The following ACTR10 variants were observed in gnomAD, a reference collection of about 807,000 sequenced individuals.
The protein encoded by ACTR10 is actin related protein 10, also known as actin-related protein 10.
Under a neutral mutation model 56.2 loss-of-function variants are expected in ACTR10, and 43 were observed. The ratio of observed to expected loss-of-function variants is 0.77; its 90% CI spans 0.60 to 0.99. The LOEUF is 0.99. Ranked by LOEUF, ACTR10 falls within the 50% of genes least tolerant of loss-of-function variation. The pLI, the probability that ACTR10 is intolerant of heterozygous loss-of-function variation, is 0.00. For synonymous variants in ACTR10, 170 were observed against 176.3 expected (o/e 0.96, Z 0.28); for missense variants, 466 against 507.8 (o/e 0.92, Z 0.79).
intron 6 of ACTR10, among the ~76,000 whole-genome samples, chr14:58,214,128 G>A (rs578187630): frequency 6.6e-6 from 1 of 151,870 alleles, no homozygotes; most frequent in African/African-American, 2.4e-5. Flanking sequence ...CTATTTTTTT[G>A]TACCCATTAA....
chr14:58,234,214 A>C (rs1295873571), intron 12 of ACTR10, among the ~76,000 whole-genome samples, 156 bp from the exon 13 acceptor site: 2 of 152,236 alleles, frequency 1.3e-5, no homozygotes, highest in African/African-American at 2.4e-5. Context: ...TGTAAAATAA[A>C]GAATGGCTTA....
At chr14:58,228,812 G>A (rs1594814745) in intron 10 of ACTR10, among the ~76,000 whole-genome samples, 2 of 147,650 alleles carry the variant, frequency 1.4e-5, no homozygotes, top group Non-Finnish European at 1.5e-5. Context: ...CTGAAATGCT[G>A]GGATTATAGG....
Position 58,209,025 on chromosome 14 carries a change from G to T in ACTR10, c.260G>T (p.Arg87Leu). Residue 87 changes from arginine (R) to leucine (L), a missense_variant, in exon 4 of 13, where the codon CGC (arginine) becomes CTC (leucine). By Grantham distance (102) the Arg-to-Leu change is moderately radical. Coordinates refer to ENST00000254286, the MANE Select transcript of ACTR10 (RefSeq NM_018477.3). The stretch of plus-strand genomic sequence containing the variant: ...CATCTATTGGTGAATCCCAGAGACC[G>T]CCGAGTTGTGATTATCGAATCGGTA... ...FRHLLVNPRD[R>L]RVVIIESVLC... 1 of 1,611,948 alleles carries T rather than the reference G, an allele frequency of 6.2e-7. No homozygotes were observed. Among genetic ancestry groups the T allele is most frequent in the Non-Finnish European group, 8.5e-7 (1 of 1,178,912 alleles).
At chr14:58,221,299 A>AT (rs1566627909) in intron 8 of ACTR10, among the ~76,000 whole-genome samples, 11 of 143,630 alleles carry the variant, frequency 7.7e-5, no homozygotes, top group African/African-American at 2.8e-4. Context: ...AAAAAAAAAA[A>AT]AAAATATATG....
chr14:58,215,024 T>G (rs1057404003), intron 6 of ACTR10, among the ~76,000 whole-genome samples, 181 bp from the exon 7 acceptor site: 2 of 151,738 alleles, frequency 1.3e-5, no homozygotes, highest in African/African-American at 2.4e-5. Flanking sequence ...GAGAATCACA[T>G]GAACCTAGGA....
In ACTR10 at chr14:58,232,057, TA is replaced by T; in HGVS notation, c.871-7del. ...GAATAAATCCTTCTTTTTTTCTTTT[TA>T]ATAACAGTGTCCGATAGACACCAGG... On this transcript the variant is annotated splice_polypyrimidine_tract_variant and splice_region_variant and intron_variant, in intron 11 of 12. Transcript: ENST00000254286. 6.3e-7 allele frequency: 1 copy of T among 1,598,010 alleles called. No homozygotes were observed. Among genetic ancestry groups the T allele is most frequent in the Non-Finnish European group, 8.5e-7 (1 of 1,171,938 alleles).
At chr14:58,228,477 C>G (rs1247342125) in intron 10 of ACTR10, among the ~76,000 whole-genome samples, 1 of 151,950 alleles carries the variant, frequency 6.6e-6, no homozygotes, top group Non-Finnish European at 1.5e-5. Context: ...AAAAAATTAG[C>G]TGGGCGTGGT....
At chr14:58,228,738 T>A (rs1889462820) in intron 10 of ACTR10, among the ~76,000 whole-genome samples, 2 of 128,984 alleles carry the variant, frequency 1.6e-5, no homozygotes, top group Admixed American at 9.0e-5. Flanking sequence ...GAGGTCTCAC[T>A]GTGCTGCTCA....
At chr14:58,228,426 C>G (rs571474314) in intron 10 of ACTR10, among the ~76,000 whole-genome samples, 2 of 152,074 alleles carry the variant, frequency 1.3e-5, no homozygotes, top group African/African-American at 4.8e-5. Context: ...CGAGACCAGC[C>G]TGGCCAACAT....
intron 10 of ACTR10, among the ~76,000 whole-genome samples, chr14:58,225,305 A>G (rs1039997208): frequency 6.6e-6 from 1 of 152,216 alleles, no homozygotes; most frequent in Non-Finnish European, 1.5e-5. Context: ...AGTTGTTGTT[A>G]AGACTTACAT....
At position 58,200,150 on chromosome 14, in the gene ACTR10, C is replaced by G; in HGVS notation, c.-68C>G. 1 of 1,224,048 alleles carries G rather than the reference C, an allele frequency of 8.2e-7. No individual in the cohort carries two copies. Among genetic ancestry groups the G allele is most frequent in the Non-Finnish European group, 1.0e-6 (1 of 954,028 alleles). The allele number at this position is 1,224,048 out of a possible 1,614,324, so 75.8% of individuals were successfully genotyped here. On this transcript the variant is annotated 5_prime_UTR_variant, in exon 1 of 13. Coordinates refer to ENST00000254286, the MANE Select transcript of ACTR10 (RefSeq NM_018477.3). ...CCCGAGCGCCGGAGCCCCGGCCCCG[C>G]CCCGCGAGCGCCGAGACTTGTTGGC...
At chr14:58,205,733 T>G (rs1361071074) in intron 2 of ACTR10, among the ~76,000 whole-genome samples, 1 of 152,054 alleles carries the variant, frequency 6.6e-6, no homozygotes, top group Non-Finnish European at 1.5e-5. Flanking sequence ...TTCAAAAATG[T>G]GATGGAAGCC....
rs1888670373 is a variant in ACTR10, at chr14:58,200,201, C to T, written c.-17C>T. 2 of 1,512,098 alleles carry T rather than the reference C, an allele frequency of 1.3e-6. No individual in the cohort carries two copies. Among genetic ancestry groups the T allele is most frequent in the African/African-American group, 1.4e-5 (1 of 69,912 alleles). The allele number at this position is 1,512,098 out of a possible 1,614,324, so 93.7% of individuals were successfully genotyped here. On this transcript the variant is annotated 5_prime_UTR_variant, in exon 1 of 13. Transcript: ENST00000254286. ...CGCGGAGACTGCGACCCTCTTCTCT[C>T]AGTCTGCCTTACTACCATGCCGCTC... is the stretch of plus-strand genomic sequence containing the variant.
At chr14:58,213,871 T>A (rs565112173) in intron 6 of ACTR10, among the ~76,000 whole-genome samples, 173 bp downstream of exon 6, 12 of 152,348 alleles carry the variant, frequency 7.9e-5, no homozygotes, top group African/African-American at 2.4e-4. Flanking sequence ...ACCAGTTTTT[T>A]AAATTTTTAA....
chr14:58,209,608 GT>G (rs1888947785), intron 4 of ACTR10, among the ~76,000 whole-genome samples: 1 of 152,082 alleles, frequency 6.6e-6, no homozygotes, highest in African/African-American at 2.4e-5. Flanking sequence ...CTTAGAGTAA[GT>G]TGGTAATGCC....
At position 58,219,687 on chromosome 14, in the gene ACTR10, GT is replaced by G; in HGVS notation, c.599-3del. 6.8e-7 allele frequency: 1 copy of G among 1,478,862 alleles called. No homozygotes were observed. The highest frequency in any genetic ancestry group is 9.0e-7 in the Non-Finnish European group (1 of 1,106,082). The allele number at this position is 1,478,862 out of a possible 1,614,324, so 91.6% of individuals were successfully genotyped here. ...TTTTATAATTCTAAATGAAATATTTGTTTTAGGTTCAGTTCCGGAAGGTGTC... is the reference window on the plus strand; with the variant it reads ...TTTTATAATTCTAAATGAAATATTTGTTTAGGTTCAGTTCCGGAAGGTGTC... On this transcript the variant is annotated splice_region_variant and splice_polypyrimidine_tract_variant and intron_variant, in intron 7 of 12. Coordinates refer to ENST00000254286, the MANE Select transcript of ACTR10 (RefSeq NM_018477.3).
chr14:58,232,772 G>T (rs1889576502), intron 12 of ACTR10, among the ~76,000 whole-genome samples: 1 of 151,668 alleles, frequency 6.6e-6, no homozygotes, highest in Non-Finnish European at 1.5e-5. Flanking sequence ...CTTGGCATTT[G>T]CACCGTGATA....
At chr14:58,222,456 A>T (rs1889295670) in intron 8 of ACTR10, among the ~76,000 whole-genome samples, 2 of 152,176 alleles carry the variant, frequency 1.3e-5, no homozygotes, top group South Asian at 4.1e-4. Context: ...TTAAATTGCA[A>T]CTAAGAGCAA....
chr14:58,224,955 C>G (rs1889363547), intron 10 of ACTR10, among the ~76,000 whole-genome samples: 1 of 151,152 alleles, frequency 6.6e-6, no homozygotes. Flanking sequence ...CACCATTGCA[C>G]TCCAGCCTGG....
Sources: gnomAD v4.1 joint callset for allele counts (sites outside exome capture counted in the v4.1 genomes callset) on GRCh38, gnomAD v4.1.1 for gene constraint, MANE v1.5 for transcripts, NCBI Gene and HGNC (gene_info 2026-07-23, HGNC 2026-07-21) for gene names.